Variants in HFM1 observed in about 807,000 individuals in gnomAD.
HFM1 encodes helicase for meiosis 1, also known as probable ATP-dependent DNA helicase HFM1.
In HFM1, 169 loss-of-function variants were observed where a neutral mutation model predicts 192.1. That is an observed-to-expected ratio of 0.88 (90% CI 0.78 to 1.00). The LOEUF (loss-of-function observed/expected upper bound fraction) is 1.00. Ranked by LOEUF, HFM1 falls within the 50% of genes least tolerant of loss-of-function variation. The pLI is 0.00. For missense variants in HFM1, 1,661 were observed against 1,668.0 expected, an observed-to-expected ratio of 1.00 and a Z score of 0.07; for synonymous variants, 525 against 537.8, an observed-to-expected ratio of 0.98 and a Z score of 0.33.
In HFM1 at chr1:91,394,995, A is replaced by T. The variant is rs139151245; in HGVS notation, c.185-593T>A. Among the ~76,000 whole-genome samples, 210 of 151,950 alleles carry T rather than the reference A, an allele frequency of 1.4e-3. 5 individuals carry two copies. In the East Asian group the frequency reaches 0.026, roughly 19 times the overall value. ...TTTAGCATCTATGTATCTACATTAT[A>T]CACTATGCTATATATTATTTGATAT... On this transcript the variant is annotated intron_variant, in intron 3 of 38. Transcript: ENST00000370425.
intron 30 of HFM1, among the ~76,000 whole-genome samples, chr1:91,311,838 G>T (rs889003162): frequency 2.0e-5 from 3 of 152,148 alleles, no homozygotes; most frequent in Non-Finnish European, 4.4e-5. Flanking sequence ...AGGCCCAGGA[G>T]GAAAAAGTGC....
At chr1:91,279,927 G>A (rs958599715) in intron 30 of HFM1, among the ~76,000 whole-genome samples, 1 of 151,970 alleles carries the variant, frequency 6.6e-6, no homozygotes, top group African/African-American at 2.4e-5. Flanking sequence ...AAAAAAATGA[G>A]CTCTAATATA....
chr1:91,276,157 C>T (rs1256567222), intron 32 of HFM1, among the ~76,000 whole-genome samples: 2 of 152,260 alleles, frequency 1.3e-5, no homozygotes, highest in African/African-American at 4.8e-5. Flanking sequence ...CATTCTGGTG[C>T]CTGCCCCTCC....
chr1:91,299,505 C>T (rs1235762267), intron 30 of HFM1, among the ~76,000 whole-genome samples: 5 of 152,102 alleles, frequency 3.3e-5, no homozygotes, highest in Admixed American at 1.3e-4. Flanking sequence ...CACACCACAC[C>T]TATTCCAAAA....
At chr1:91,339,192 T>C (rs1655006850) in intron 20 of HFM1, among the ~76,000 whole-genome samples, 1 of 151,670 alleles carries the variant, frequency 6.6e-6, no homozygotes, top group Non-Finnish European at 1.5e-5. Context: ...TCTGGGCTGA[T>C]GTTCTTGCCA....
rs911761308 is a variant in HFM1 at position 91,304,194 on chromosome 1, T to C, written c.3391+9155A>G. On this transcript the variant is annotated intron_variant, in intron 30 of 38. Coordinates refer to ENST00000370425, the MANE Select transcript of HFM1 (RefSeq NM_001017975.6). ...AATTGGGCTATTTGTCTTTTTACTG[T>C]TGAAGTGTAAGATTTCTTTATATAT... Among the ~76,000 whole-genome samples, 8 of 152,128 alleles carry C rather than the reference T, an allele frequency of 5.3e-5. 1 individual carries two copies. Among genetic ancestry groups the C allele is most frequent in the African/African-American group, 1.7e-4 (7 of 41,438 alleles).
Position 91,385,221 on chromosome 1 carries a change from A to G in HFM1, c.768T>C (p.Asn256=). Residue 256 remains asparagine (N), a synonymous_variant, in exon 6 of 39, where the codon AAT becomes AAC. Transcript: ENST00000370425. Reference sequence around the variant, plus strand: ...TGACAGCCTTCAAGGAACCTAAACCATTTTCTGTTACCTCTGAAAAAAAAA... The same window carrying G: ...TGACAGCCTTCAAGGAACCTAAACCGTTTTCTGTTACCTCTGAAAAAAAAA... ...QPHDIQEVTE[N]GLGSLKAVTE... is the part of the protein sequence containing the mutation. 6.4e-7 allele frequency: 1 copy of G among 1,562,220 alleles called. No homozygotes were observed. The highest frequency in any genetic ancestry group is 1.2e-5 in the South Asian group (1 of 86,218).
intron 34 of HFM1, among the ~76,000 whole-genome samples, chr1:91,271,536 A>C (rs1307545353): frequency 6.6e-6 from 1 of 152,150 alleles, no homozygotes; most frequent in Non-Finnish European, 1.5e-5. Flanking sequence ...GGAAAGACAC[A>C]GTGGAGAGGA....
chr1:91,304,150 C>T lies in HFM1; in HGVS notation c.3391+9199G>A, dbSNP rs117694028. On this transcript the variant is annotated intron_variant, in intron 30 of 38. Coordinates refer to ENST00000370425, the MANE Select transcript of HFM1 (RefSeq NM_001017975.6). ...GATTACAGATGTGAGCCACTGTGCC[C>T]GGCCCCTTGACTAGTTTTAATTGGG... Among the ~76,000 whole-genome samples the T allele has an allele frequency of 1.6e-3, 249 of 152,030 alleles. 3 individuals are homozygous for T. In the East Asian group the frequency reaches 0.023, roughly 14 times the overall value.
chr1:91,358,293 AT>A (rs1279686981), intron 13 of HFM1, among the ~76,000 whole-genome samples: 20 of 152,026 alleles, frequency 1.3e-4, no homozygotes, highest in Middle Eastern at 3.4e-3. Context: ...CAAAAAAAAA[AT>A]TTTTTTTCAT....
chr1:91,262,470 C>A lies in HFM1; in HGVS notation c.4086+11G>T. On this transcript the variant is annotated intron_variant, in intron 37 of 38. Coordinates refer to ENST00000370425, the MANE Select transcript of HFM1 (RefSeq NM_001017975.6). ...AATTTAAAAGAAAAACAAAGAAGTG[C>A]TTCTTCTTACAATAACTGCATTTCC... 1 of 1,566,830 alleles carries A rather than the reference C, an allele frequency of 6.4e-7. No homozygotes were observed. Among genetic ancestry groups the A allele is most frequent in the Non-Finnish European group, 8.8e-7 (1 of 1,142,416 alleles).
chr1:91,319,616 T>C (rs1030176830), intron 23 of HFM1, among the ~76,000 whole-genome samples: 2 of 152,166 alleles, frequency 1.3e-5, no homozygotes, highest in Admixed American at 1.3e-4. Flanking sequence ...TTTATTGCTC[T>C]TCTTTATTCA....
At chr1:91,353,649 AAGC>A (rs1657280317) in intron 13 of HFM1, among the ~76,000 whole-genome samples, 1 of 112,292 alleles carries the variant, frequency 8.9e-6, no homozygotes, top group African/African-American at 3.2e-5. Context: ...ACTAGTAAAT[AAGC>A]AAAAAAAAAA....
chr1:91,322,426 T>C (rs10801862), intron 23 of HFM1, among the ~76,000 whole-genome samples: 45,746 of 152,046 alleles, frequency 0.3, 7,158 homozygotes, highest in Non-Finnish European at 0.35. Context: ...AACAGTATCA[T>C]TGCATTTGTG....
At position 91,266,046 on chromosome 1, in the gene HFM1, CTT is replaced by C. The variant is rs1665738896; in HGVS notation, c.3943_3944del (p.Lys1315GlufsTer16). 6.3e-7 allele frequency: 1 copy of C among 1,581,690 alleles called. No individual in the cohort carries two copies. The highest frequency in any genetic ancestry group is 8.5e-7 in the Non-Finnish European group (1 of 1,170,552). ...TTGACATTTCTCTTTGGAATTTGCT[CTT>C]TGACTCTTGAAGGGGTAGCTTACTT... Reference protein sequence around the residue: ...RGSKLPLQESKSKFQREMSNS... With the variant: ...RGSKLPLQESXSKFQREMSNS... On this transcript the variant is annotated frameshift_variant, in exon 36 of 39. Transcript: ENST00000370425. LOFTEE classifies it high-confidence loss of function.
chr1:91,263,605 C>T (rs182947085), intron 36 of HFM1, among the ~76,000 whole-genome samples: 40 of 151,906 alleles, frequency 2.6e-4, no homozygotes, highest in Non-Finnish European at 4.3e-4. Context: ...TTTAATTACC[C>T]AGGCATAGTG....
At chr1:91,281,237 A>T (rs924519922) in intron 30 of HFM1, among the ~76,000 whole-genome samples, 2 of 152,164 alleles carry the variant, frequency 1.3e-5, no homozygotes, top group Non-Finnish European at 1.5e-5. Context: ...GAAGGTAAAA[A>T]TATTTTTAAT....
At position 91,364,734 on chromosome 1, in the gene HFM1, C is replaced by T. The variant is rs113472992; in HGVS notation, c.1685+10624G>A. ...TGCAAGCTCTGCCCCCCGGGGTTCA[C>T]GCCATTCTCCTGCCTCAGCCTCCAG... is the stretch of plus-strand genomic sequence containing the variant. On this transcript the variant is annotated intron_variant, in intron 13 of 38. Coordinates refer to ENST00000370425, the MANE Select transcript of HFM1 (RefSeq NM_001017975.6). Among the ~76,000 whole-genome samples the T allele has an allele frequency of 7.1e-4, 106 of 148,644 alleles. 4 individuals carry two copies. The South Asian group carries it at 0.015, about 21-fold the overall frequency.
At chr1:91,350,648 T>C (rs957769279) in intron 18 of HFM1, 90 bp downstream of exon 18, 5 of 1,205,102 alleles carry the variant, frequency 4.1e-6, no homozygotes, top group Non-Finnish European at 5.9e-6. Flanking sequence ...TATTAGTTTC[T>C]GTAATCTATC....
Sources: gnomAD v4.1 joint callset for allele counts (sites outside exome capture counted in the v4.1 genomes callset) on GRCh38, gnomAD v4.1.1 for gene constraint, MANE v1.5 for transcripts, NCBI Gene and HGNC (gene_info 2026-07-23, HGNC 2026-07-21) for gene names.